Variants in PWWP2A observed in about 807,000 individuals in gnomAD.
PWWP2A encodes PWWP domain-containing protein 2A.
PWWP2A carries 18 observed loss-of-function variants against 48.5 expected under a neutral mutation model. The observed-to-expected ratio is 0.37, with a 90% CI of 0.26 to 0.55. The LOEUF (loss-of-function observed/expected upper bound fraction) is 0.55. PWWP2A is among the 20% of genes least tolerant of loss of function. The pLI is 0.81. For synonymous variants in PWWP2A, 396 were observed against 387.7 expected, an observed-to-expected ratio of 1.02 and a Z score of -0.25; for missense variants, 867 against 976.4, an observed-to-expected ratio of 0.89 and a Z score of 1.49.
chr5:160,105,102 G>C (rs1367591901), intron 1 of PWWP2A, among the ~76,000 whole-genome samples: 1 of 152,076 alleles, frequency 6.6e-6, no homozygotes. Context: ...GCCAGGTGTG[G>C]AGGCACAGGC....
At chr5:160,111,178 T>TA (rs1211478458) in intron 1 of PWWP2A, among the ~76,000 whole-genome samples, 24 of 151,852 alleles carry the variant, frequency 1.6e-4, no homozygotes, top group Non-Finnish European at 4.4e-5. Flanking sequence ...AATATATATA[T>TA]TTTTTTGAGA....
At chr5:160,081,369 G>T (rs1240457248) in intron 2 of PWWP2A, among the ~76,000 whole-genome samples, 1 of 151,270 alleles carries the variant, frequency 6.6e-6, no homozygotes, top group Non-Finnish European at 1.5e-5. Flanking sequence ...CTTCTGAGTA[G>T]CTAGGATTAC....
chr5:160,061,914 G>A (rs984025355), exon 6 of PWWP2A: 5 of 152,392 alleles, frequency 3.3e-5, no homozygotes, highest in Non-Finnish European at 4.4e-5. Context: ...GGCCGGGGGA[G>A]CGGGGAAGTT....
chr5:160,070,958 C>T (rs192052071), downstream of PWWP2A, among the ~76,000 whole-genome samples: 48 of 152,298 alleles, frequency 3.2e-4, no homozygotes, highest in Admixed American at 7.8e-4. Flanking sequence ...GAGGCCAACG[C>T]GGGCAAATAG....
chr5:160,080,781 A>G, intron 2 of PWWP2A: 1 of 1,511,824 alleles, frequency 6.6e-7, no homozygotes, highest in Non-Finnish European at 8.9e-7. Flanking sequence ...CTATGGTAGA[A>G]AAAACCAAGT....
chr5:160,090,903 A>C, downstream of PWWP2A: 1 of 984,952 alleles, frequency 1.0e-6, no homozygotes, highest in Non-Finnish European at 1.2e-6. Flanking sequence ...ATGGAAAATA[A>C]GAAATCAAAT....
intron 1 of PWWP2A, among the ~76,000 whole-genome samples, chr5:160,109,767 AAAAAAAAATATATATAT>A (rs1412986420): frequency 2.2e-4 from 16 of 72,732 alleles, no homozygotes; most frequent in African/African-American, 7.7e-4. Flanking sequence ...GAAAAAAAAA[AAAAAAAAATATATATAT>A]ATATATATAT....
intron 1 of PWWP2A, among the ~76,000 whole-genome samples, chr5:160,098,300 A>G (rs147026220): frequency 6.6e-6 from 1 of 152,198 alleles, no homozygotes; most frequent in Admixed American, 6.5e-5. Flanking sequence ...AGGGGGAAAA[A>G]GGGGAAATAA....
At chr5:160,050,186 G>A in the PWWP2A span, among the ~76,000 whole-genome samples, 3 of 152,138 alleles carry the variant, frequency 2.0e-5, no homozygotes, top group East Asian at 1.9e-4. Flanking sequence ...AGTGGCTCAC[G>A]CCTGTACTCC....
downstream of PWWP2A, among the ~76,000 whole-genome samples, chr5:160,058,511 C>T (rs547725122): frequency 2.1e-4 from 31 of 150,862 alleles, no homozygotes; most frequent in African/African-American, 5.6e-4. Context: ...CCTGGGTTCA[C>T]GCCATTCTCC....
rs1755251283 is a variant in PWWP2A, at chr5:160,093,118, G to A, written c.1532C>T (p.Thr511Ile). 1.2e-6 allele frequency: 2 copies of A among 1,613,950 alleles called. No homozygotes were observed. Among genetic ancestry groups the A allele is most frequent in the Non-Finnish European group, 1.7e-6 (2 of 1,179,896 alleles). ...KMAPKPQSRC[T>I]STRSAGEAPS... ...GGCCTCACCTGCTGAGCGGGTAGAGGTGCAGCGAGACTGGGGCTTGGGTGC... is the reference window on the plus strand; with the variant it reads ...GGCCTCACCTGCTGAGCGGGTAGAGATGCAGCGAGACTGGGGCTTGGGTGC... Residue 511 changes from threonine (T) to isoleucine (I), a missense_variant, in exon 2 of 2, where the codon ACC (threonine) becomes ATC (isoleucine). Physicochemically the swap from Thr to Ile is moderately conservative, Grantham distance 89. This residue lies in a region of PWWP2A where 382 missense variants were observed against 407.2 expected (regional missense o/e 0.94). Coordinates refer to ENST00000307063, the MANE Select transcript of PWWP2A (RefSeq NM_001130864.2). This position sits in a 1 kb window ranked among gnomAD's most constrained non-coding sequence, Gnocchi z 5.8.
At chr5:160,070,489 A>G (rs1390463798) in intron 2 of PWWP2A, among the ~76,000 whole-genome samples, 1 of 151,878 alleles carries the variant, frequency 6.6e-6, no homozygotes, top group Non-Finnish European at 1.5e-5. Flanking sequence ...AAAAAAACAA[A>G]AAACAAAAAA....
At chr5:160,048,794 T>C in the PWWP2A span, among the ~76,000 whole-genome samples, 1 of 152,054 alleles carries the variant, frequency 6.6e-6, no homozygotes, top group Non-Finnish European at 1.5e-5. Context: ...CTACTAAAAA[T>C]ACAAAAATTA....
chr5:160,082,696 T>A (rs531061731), intron 2 of PWWP2A, among the ~76,000 whole-genome samples: 93 of 152,242 alleles, frequency 6.1e-4, no homozygotes, highest in African/African-American at 2.1e-3. Flanking sequence ...TTTAAGATAA[T>A]CTTCCCCTCA....
intron 2 of PWWP2A, among the ~76,000 whole-genome samples, chr5:160,085,505 C>CTTTTT (rs5872628): frequency 5.5e-5 from 6 of 109,820 alleles, no homozygotes; most frequent in South Asian, 3.0e-4. Context: ...CTGTCACATT[C>CTTTTT]TTTTTTTTTT....
At chr5:160,056,169 A>G in the PWWP2A span, among the ~76,000 whole-genome samples, 340 of 152,322 alleles carry the variant, frequency 2.2e-3, 2 homozygotes, top group African/African-American at 7.6e-3. Flanking sequence ...CAAAGAAACC[A>G]TAACACAAAG....
chr5:160,105,547 C>T (rs1756802612), intron 1 of PWWP2A: 1 of 258,660 alleles, frequency 3.9e-6, no homozygotes, highest in African/African-American at 2.4e-5. Flanking sequence ...GAGCGAGACT[C>T]CATCTCAAAA....
At chr5:160,061,084 C>CG (rs1318596851), downstream of PWWP2A, among the ~76,000 whole-genome samples, 1 of 152,176 alleles carries the variant, frequency 6.6e-6, no homozygotes, top group African/African-American at 2.4e-5. Context: ...CGTAGGCTGA[C>CG]GGGCCTGGCT....
chr5:160,080,450 T>C (rs1188627026), intron 3 of PWWP2A, among the ~76,000 whole-genome samples: 2 of 152,212 alleles, frequency 1.3e-5, no homozygotes, highest in African/African-American at 2.4e-5. Context: ...TTTTTTGGCA[T>C]GGCAGGTAGT....
Sources: gnomAD v4.1 joint callset for allele counts (sites outside exome capture counted in the v4.1 genomes callset) on GRCh38, gnomAD v4.1.1 for gene constraint, gnomAD v4.1.1 regional missense constraint, Gnocchi (gnomAD v3.1) non-coding constraint, MANE v1.5 for transcripts, NCBI Gene and HGNC (gene_info 2026-07-23, HGNC 2026-07-21) for gene names.